The following ANKMY2 variants were observed in gnomAD, a reference collection of about 807,000 sequenced individuals.
ANKMY2 encodes the protein ankyrin repeat and MYND domain containing 2, also known as ankyrin repeat and MYND domain-containing protein 2.
ANKMY2 carries 36 observed loss-of-function variants against 50.4 expected under a neutral mutation model. The ratio of observed to expected loss-of-function variants is 0.71; its 90% confidence interval spans 0.55 to 0.94. ANKMY2 has a LOEUF of 0.94. ANKMY2 is among the 40% of genes least tolerant of loss of function. The pLI is 0.00. For missense variants in ANKMY2, 565 were observed against 524.0 expected (o/e 1.08, Z -0.76); for synonymous variants, 187 against 178.8 (o/e 1.05, Z -0.36).
intron 1 of ANKMY2, among the ~76,000 whole-genome samples, chr7:16,637,764 C>A (rs1216673275): frequency 6.6e-6 from 1 of 152,212 alleles, no homozygotes; most frequent in African/African-American, 2.4e-5. Context: ...ACCCCAGTTT[C>A]TCTTGAGGAA....
chr7:16,644,709 G>C (rs994494200), intron 1 of ANKMY2: 1 of 471,158 alleles, frequency 2.1e-6, no homozygotes, highest in Non-Finnish European at 4.4e-6. Flanking sequence ...GACTCGGCAG[G>C]GAACTCCTCT....
rs897389105 is a variant in ANKMY2 at position 16,624,732 on chromosome 7, A to G, written c.370+251T>C. Among the ~76,000 whole-genome samples the G allele has an allele frequency of 2.0e-5, 3 of 152,230 alleles. 1 individual carries two copies. The highest frequency in any genetic ancestry group is 1.3e-4 in the Admixed American group (2 of 15,286). On this transcript the variant is annotated intron_variant, in intron 4 of 9. Transcript: ENST00000306999. ...TACTTCCATCAGAGACATAAAATAT[A>G]CATGTTATAAGCATTTGTGAGCAAT...
At chr7:16,616,966 G>C (rs992381256) in intron 4 of ANKMY2, among the ~76,000 whole-genome samples, 1 of 152,206 alleles carries the variant, frequency 6.6e-6, no homozygotes, top group African/African-American at 2.4e-5. Flanking sequence ...AAAGTTCCTG[G>C]GAGAACCCAG....
chr7:16,623,677 C>T (rs562526170), intron 4 of ANKMY2, among the ~76,000 whole-genome samples: 1 of 152,228 alleles, frequency 6.6e-6, no homozygotes, highest in East Asian at 1.9e-4. Flanking sequence ...CAGATTCCTA[C>T]TTTAGTGTTC....
intron 2 of ANKMY2, among the ~76,000 whole-genome samples, chr7:16,629,914 C>T (rs946395113): frequency 6.6e-6 from 1 of 152,042 alleles, no homozygotes; most frequent in Non-Finnish European, 1.5e-5. Context: ...AATTTTGATG[C>T]TCCATAGAGA....
chr7:16,636,226 C>A (rs1375740682), intron 2 of ANKMY2, among the ~76,000 whole-genome samples, 165 bp downstream of exon 2: 3 of 121,668 alleles, frequency 2.5e-5, no homozygotes, highest in African/African-American at 9.6e-5. Context: ...TCACTTGAAA[C>A]AAGAAGGCGG....
At chr7:16,621,301 C>A (rs576028868) in intron 4 of ANKMY2, among the ~76,000 whole-genome samples, 28 of 152,056 alleles carry the variant, frequency 1.8e-4, no homozygotes, top group African/African-American at 6.8e-4. Flanking sequence ...ACTGAAAGAC[C>A]AAAAGTCAGT....
chr7:16,621,696 G>A (rs190841095), intron 4 of ANKMY2, among the ~76,000 whole-genome samples: 16 of 152,200 alleles, frequency 1.1e-4, no homozygotes, highest in South Asian at 6.2e-4. Context: ...ATTTCCTGCC[G>A]GGCACAGTGG....
chr7:16,643,438 A>C (rs1781772377), intron 1 of ANKMY2, among the ~76,000 whole-genome samples: 1 of 152,230 alleles, frequency 6.6e-6, no homozygotes, highest in Admixed American at 6.5e-5. Flanking sequence ...GATGTCCCAC[A>C]GACCTTCATT....
chr7:16,625,183 G>A, intron 3 of ANKMY2, 102 bp from the exon 4 acceptor site: 1 of 809,740 alleles, frequency 1.2e-6, no homozygotes, highest in Non-Finnish European at 1.9e-6. Context: ...GTTAGTTTTA[G>A]GTTTCTGTCA....
Position 16,599,789 on chromosome 7 carries a change from T to C in ANKMY2, c.*972A>G, listed in dbSNP as rs1783473335. 6.6e-6 allele frequency: 1 copy of C among 152,216 alleles called. No individual in the cohort carries two copies. The highest frequency in any genetic ancestry group is 1.5e-5 in the Non-Finnish European group (1 of 68,036). 9.4% of individuals were successfully genotyped at this position (152,216 alleles called of 1,614,324 possible). A position where few individuals can be genotyped will look rare whatever the true frequency, so the allele number is the denominator to read the frequency against. On this transcript the variant is annotated 3_prime_UTR_variant, in exon 10 of 10. Transcript: ENST00000306999. Reference sequence around the variant, plus strand: ...AAACAAGATGAGTTGTTTATATTTGTAGGCACAATTTATTTTAAAATCCAC... The same window carrying C: ...AAACAAGATGAGTTGTTTATATTTGCAGGCACAATTTATTTTAAAATCCAC...
intron 5 of ANKMY2, among the ~76,000 whole-genome samples, chr7:16,612,325 C>T (rs185609310): frequency 1.8e-3 from 274 of 152,226 alleles, no homozygotes; most frequent in African/African-American, 5.2e-3. Context: ...TAAAATTAAA[C>T]GAATTTCACT....
chr7:16,645,135 A>G (rs1781814547), intron 1 of ANKMY2, among the ~76,000 whole-genome samples: 1 of 152,154 alleles, frequency 6.6e-6, no homozygotes, highest in Admixed American at 6.5e-5. Flanking sequence ...CCCGCCTAAG[A>G]ACCTGAAACT....
chr7:16,600,951 T>TA lies in ANKMY2; in HGVS notation c.1142-7dup, dbSNP rs775883371. ...ATTGACATCAAGTTTGCCGTCTGAT[T>TA]AAAAAAAGAAGAAGTTATTTTGTTC... On this transcript the variant is annotated splice_region_variant and splice_polypyrimidine_tract_variant and intron_variant, in intron 9 of 9. Coordinates refer to ENST00000306999, the MANE Select transcript of ANKMY2 (RefSeq NM_020319.3). 3 of 1,572,860 alleles carry TA rather than the reference T, an allele frequency of 1.9e-6. No homozygotes were observed. The highest frequency in any genetic ancestry group is 8.6e-7 in the Non-Finnish European group (1 of 1,159,330).
intron 2 of ANKMY2, among the ~76,000 whole-genome samples, chr7:16,631,260 C>G (rs1248061058): frequency 6.6e-6 from 1 of 152,156 alleles, no homozygotes; most frequent in Non-Finnish European, 1.5e-5. Flanking sequence ...TTGGAAAAAC[C>G]TTACTTGGCT....
chr7:16,607,788 G>C (rs1012683632), intron 7 of ANKMY2, among the ~76,000 whole-genome samples: 1 of 151,056 alleles, frequency 6.6e-6, no homozygotes, highest in Admixed American at 6.6e-5. Context: ...CACATAACAG[G>C]TACTGCTAGT....
intron 1 of ANKMY2, among the ~76,000 whole-genome samples, chr7:16,639,182 A>G (rs1027588439): frequency 6.6e-6 from 1 of 152,264 alleles, no homozygotes; most frequent in Admixed American, 6.5e-5. Flanking sequence ...GAAATGTGAA[A>G]CACATGGCTC....
In ANKMY2 at chr7:16,610,640, C is replaced by G; in HGVS notation, c.655G>C (p.Ala219Pro). The G allele has an allele frequency of 6.2e-7, 1 of 1,613,960 alleles. No individual in the cohort carries two copies. Among genetic ancestry groups the G allele is most frequent in the Non-Finnish European group, 8.5e-7 (1 of 1,179,924 alleles). ...CAGCTTATGTAATGCATCTTCATAGCCAATACTTCATTCATGTCTCTTTGC... is the reference window on the plus strand; with the variant it reads ...CAGCTTATGTAATGCATCTTCATAGGCAATACTTCATTCATGTCTCTTTGC... ...MKQRDMNEVL[A>P]MKMHYISCIF... Residue 219 changes from alanine (A) to proline (P), a missense_variant, in exon 6 of 10, where the codon GCT becomes CCT. By Grantham distance (27) the Ala-to-Pro change is conservative. Transcript: ENST00000306999.
At chr7:16,624,679 G>A (rs1357156970) in intron 4 of ANKMY2, among the ~76,000 whole-genome samples, 4 of 152,100 alleles carry the variant, frequency 2.6e-5, no homozygotes, top group Non-Finnish European at 2.9e-5. Context: ...TGACTTCTCG[G>A]TTAGCATTCT....
Sources: gnomAD v4.1 joint callset for allele counts (sites outside exome capture counted in the v4.1 genomes callset) on GRCh38, gnomAD v4.1.1 for gene constraint, MANE v1.5 for transcripts, NCBI Gene and HGNC (gene_info 2026-07-23, HGNC 2026-07-21) for gene names.